Variants in CARNS1 observed in about 807,000 individuals in gnomAD.
CARNS1 encodes the protein carnosine synthase 1.
A neutral mutation model predicts 74.0 loss-of-function variants in CARNS1; 61 were observed. The observed-to-expected ratio is 0.82, with a 90% confidence interval of 0.67 to 1.02. The LOEUF (loss-of-function observed/expected upper bound fraction) is 1.02. Ranked by LOEUF, CARNS1 falls within the 50% of genes least tolerant of loss-of-function variation. The pLI, the probability that CARNS1 is intolerant of heterozygous loss-of-function variation, is 0.00. For missense variants in CARNS1, 1,278 were observed against 1,308.4 expected (o/e 0.98, Z 0.36); for synonymous variants, 568 against 605.5 (o/e 0.94, Z 0.91).
rs1050926640 is a variant in CARNS1 at position 67,420,630 on chromosome 11, G to A, written c.1135G>A (p.Gly379Arg). Reference sequence around the variant, plus strand: ...CCAGGTGGTGTGCGGCGTGGGCCGCGGGGACCGCCCTCTACGGCACCACAA... The same window carrying A: ...CCAGGTGGTGTGCGGCGTGGGCCGCAGGGACCGCCCTCTACGGCACCACAA... ...LSKVVCGVGR[G>R]DRPLRHHNSL... Residue 379 changes from glycine (G) to arginine (R), a missense_variant, in exon 8 of 10, where the codon GGG (glycine) becomes AGG (arginine). Physicochemically the swap from Gly to Arg is moderately radical, Grantham distance 125. Coordinates refer to ENST00000687366, the MANE Select transcript of CARNS1 (RefSeq NM_001166222.2). The A allele has an allele frequency of 2.0e-5, 25 of 1,240,408 alleles. No individual in the cohort carries two copies. Among genetic ancestry groups the A allele is most frequent in the Non-Finnish European group, 2.3e-5 (23 of 992,604 alleles). 76.8% of individuals were successfully genotyped at this position (1,240,408 alleles called of 1,614,324 possible).
chr11:67,424,868 C>A lies in CARNS1; in HGVS notation c.*267C>A, dbSNP rs1863795609. 1 of 614,614 alleles carries A rather than the reference C, an allele frequency of 1.6e-6. No homozygotes were observed. Among genetic ancestry groups the A allele is most frequent in the African/African-American group, 1.8e-5 (1 of 54,702 alleles). 38.1% of individuals were successfully genotyped at this position (614,614 alleles called of 1,614,324 possible). ...TTGGAGAAATGACAATGGCCACACA[C>A]ACACACACACACACACACACACACC... On this transcript the variant is annotated 3_prime_UTR_variant, in exon 10 of 10. Transcript: ENST00000687366.
Position 67,418,897 on chromosome 11 carries a change from C to G in CARNS1, c.506C>G (p.Pro169Arg), listed in dbSNP as rs753638848. 6 of 1,595,654 alleles carry G rather than the reference C, an allele frequency of 3.8e-6. No homozygotes were observed. The highest frequency in any genetic ancestry group is 2.3e-5 in the East Asian group (1 of 43,990). The part of the protein sequence containing the change: ...GLTFLDDFVP[P>R]RRATYFLAGL... ...ACATTCCTGGATGACTTTGTCCCCC[C>G]GCGCCGTGCCACCTACTTTTTGGCA... The change falls in exon 5 of 10, where the codon CCG (proline) becomes CGG (arginine). Residue 169 changes from proline (P) to arginine (R), a missense_variant. This residue lies in a region of CARNS1 where 1,164 missense variants were observed against 1,156.5 expected (regional missense o/e 1.01). Transcript: ENST00000687366.
chr11:67,420,692 G>C lies in CARNS1; in HGVS notation c.1197G>C (p.Gln399His). The C allele has an allele frequency of 2.4e-6, 3 of 1,266,860 alleles. No individual in the cohort carries two copies. The highest frequency in any genetic ancestry group is 3.0e-6 in the Non-Finnish European group (3 of 1,008,682). The allele number at this position is 1,266,860 out of a possible 1,614,324, so 78.5% of individuals were successfully genotyped here. A position where few individuals can be genotyped will look rare whatever the true frequency, so the allele number is the denominator to read the frequency against. Reference protein sequence around the residue: ...LPRTLEVALAQCGLGEEAQVA... With the variant: ...LPRTLEVALAHCGLGEEAQVA... The stretch of plus-strand genomic sequence containing the variant: ...GGACGCTGGAGGTGGCGCTGGCCCA[G>C]TGCGGCCTGGGCGAGGAGGCGCAGG... Residue 399 changes from glutamine to histidine, a missense_variant, in exon 8 of 10, where the codon CAG becomes CAC. Transcript: ENST00000687366.
At chr11:67,416,862 C>T in intron 2 of CARNS1, 1 of 986,388 alleles carries the variant, frequency 1.0e-6, no homozygotes, top group Non-Finnish European at 1.2e-6. Flanking sequence ...TAATGTTTAG[C>T]CCAGGGCTGG....
In CARNS1 at chr11:67,421,106, A is replaced by G; in HGVS notation, c.1513A>G (p.Met505Val). Residue 505 changes from methionine to valine, a missense_variant, in exon 9 of 10, where the codon ATG becomes GTG. By Grantham distance (21) the Met-to-Val change is conservative. Around this residue, in one of 3 missense-constraint regions of CARNS1, gnomAD observed 1,164 missense variants for 1,156.5 expected, o/e 1.01. Coordinates refer to ENST00000687366, the MANE Select transcript of CARNS1 (RefSeq NM_001166222.2). ...GGTGGCGGCGCCGCTGGTGGAGACC[A>G]TGCTTCGGCGGTCGGCGCGCTGCCT... ...EAVAAPLVET[M>V]LRRSARCLME... 11 of 1,449,886 alleles carry G rather than the reference A, an allele frequency of 7.6e-6. No individual in the cohort carries two copies. The highest frequency in any genetic ancestry group is 9.9e-6 in the Non-Finnish European group (11 of 1,108,180). The allele number at this position is 1,449,886 out of a possible 1,614,324, so 89.8% of individuals were successfully genotyped here.
intron 2 of CARNS1, chr11:67,416,750 G>T: frequency 1.0e-6 from 1 of 986,056 alleles, no homozygotes; most frequent in Non-Finnish European, 1.2e-6. Context: ...GCCCCATATT[G>T]GGGGGGCGCC....
In CARNS1 at chr11:67,421,128, G is replaced by C. The variant is rs1863686663; in HGVS notation, c.1535G>C (p.Cys512Ser). ...VETMLRRSARCLMEGKQLLVV... is the reference protein window; with the variant it reads ...VETMLRRSARSLMEGKQLLVV... ...ACCATGCTTCGGCGGTCGGCGCGCT[G>C]CCTCATGGAGGGAAAACAGCTGCTG... Residue 512 changes from cysteine (C) to serine (S), a missense_variant, in exon 9 of 10, where the codon TGC (cysteine) becomes TCC (serine). By Grantham distance (112) the Cys-to-Ser change is moderately radical. This residue lies in a region of CARNS1 where 1,164 missense variants were observed against 1,156.5 expected (regional missense o/e 1.01). Transcript: ENST00000687366. The C allele has an allele frequency of 1.4e-6, 2 of 1,475,026 alleles. No individual in the cohort carries two copies. Among genetic ancestry groups the C allele is most frequent in the Middle Eastern group, 3.8e-4 (2 of 5,324 alleles). The allele number at this position is 1,475,026 out of a possible 1,614,324, so 91.4% of individuals were successfully genotyped here.
Position 67,423,382 on chromosome 11 carries a change from T to A in CARNS1, c.1634T>A (p.Leu545His). ...ACCCTGTGGCTTCTGCAGCTGCACC[T>A]CGTGGAGTCAGACCCCAACCACTTT... The part of the protein sequence containing the change: ...AARDYGLQLH[L>H]VESDPNHFAS... The change falls in exon 10 of 10, where the codon CTC becomes CAC. Residue 545 changes from leucine to histidine, a missense_variant. Coordinates refer to ENST00000687366, the MANE Select transcript of CARNS1 (RefSeq NM_001166222.2). The surrounding 1 kb of genome is among the most constrained non-coding windows in gnomAD (Gnocchi z 5.1). 1 of 1,601,008 alleles carries A rather than the reference T, an allele frequency of 6.2e-7. No homozygotes were observed. The highest frequency in any genetic ancestry group is 8.5e-7 in the Non-Finnish European group (1 of 1,171,004).
intron 2 of CARNS1, chr11:67,417,036 T>G: frequency 8.8e-6 from 9 of 1,026,568 alleles, no homozygotes; most frequent in Non-Finnish European, 1.0e-5. Flanking sequence ...TACTGAGAAG[T>G]GGCTGTGTGC....
Position 67,418,819 on chromosome 11 carries a change from G to A in CARNS1, c.428G>A (p.Gly143Asp). The change falls in exon 5 of 10, where the codon GGT becomes GAT. Residue 143 changes from glycine (G) to aspartate (D), a missense_variant. Coordinates refer to ENST00000687366, the MANE Select transcript of CARNS1 (RefSeq NM_001166222.2). ...LMKVPAPGQP[G>D]EAALLVSKAV... is the part of the protein sequence containing the mutation. Reference sequence around the variant, plus strand: ...AAGGTGCCAGCACCCGGGCAGCCGGGTGAGGCAGCCCTGCTAGTCTCCAAG... The same window carrying A: ...AAGGTGCCAGCACCCGGGCAGCCGGATGAGGCAGCCCTGCTAGTCTCCAAG... 1.9e-6 allele frequency: 3 copies of A among 1,601,000 alleles called. No homozygotes were observed. The highest frequency in any genetic ancestry group is 4.5e-5 in the East Asian group (2 of 44,212).
In CARNS1 at chr11:67,420,829, C is replaced by T. The variant is rs1055394576; in HGVS notation, c.1334C>T (p.Thr445Met). ...CAGCGCGGCGGGCGCCGGGCGCACACGGACTTCCTGGGTGAGTGAGGGCGG... is the reference window on the plus strand; with the variant it reads ...CAGCGCGGCGGGCGCCGGGCGCACATGGACTTCCTGGGTGAGTGAGGGCGG... ...AEQRGGRRAH[T>M]DFLGVDFALT... The change falls in exon 8 of 10, where the codon ACG becomes ATG. Residue 445 changes from threonine (T) to methionine (M), a missense_variant. Around this residue, in one of 3 missense-constraint regions of CARNS1, gnomAD observed 1,164 missense variants for 1,156.5 expected, o/e 1.01. Coordinates refer to ENST00000687366, the MANE Select transcript of CARNS1 (RefSeq NM_001166222.2). 6 of 1,225,594 alleles carry T rather than the reference C, an allele frequency of 4.9e-6. No homozygotes were observed. Among genetic ancestry groups the T allele is most frequent in the Admixed American group, 4.4e-5 (1 of 22,768 alleles). 75.9% of individuals were successfully genotyped at this position (1,225,594 alleles called of 1,614,324 possible).
chr11:67,421,547 T>C (rs902645946), intron 9 of CARNS1, among the ~76,000 whole-genome samples: 4 of 152,094 alleles, frequency 2.6e-5, no homozygotes, highest in African/African-American at 9.7e-5. Context: ...GGGCCTTGAA[T>C]GCCAGGCTAA....
chr11:67,417,345 T>C (rs1863567560), intron 2 of CARNS1, 62 bp from the exon 3 acceptor site: 20 of 1,287,212 alleles, frequency 1.6e-5, no homozygotes, highest in Non-Finnish European at 1.9e-5. Context: ...CTTACACCCT[T>C]GGGTGACTTA....
chr11:67,422,303 C>T (rs1362994260), intron 9 of CARNS1, among the ~76,000 whole-genome samples: 1 of 150,774 alleles, frequency 6.6e-6, no homozygotes. Flanking sequence ...CGTGCCTCAG[C>T]CTCCGGAGTA....
intron 9 of CARNS1, among the ~76,000 whole-genome samples, chr11:67,422,707 C>T (rs1003374367): frequency 5.3e-5 from 8 of 152,202 alleles, no homozygotes; most frequent in African/African-American, 1.7e-4. Flanking sequence ...ACACTGGCCT[C>T]CTCTCCCCTC....
At chr11:67,421,313 T>C in intron 9 of CARNS1, 94 bp downstream of exon 9, 1 of 1,288,120 alleles carries the variant, frequency 7.8e-7, no homozygotes, top group East Asian at 3.1e-5. Flanking sequence ...AGGGGCGTCC[T>C]TGGGGCGGGA....
chr11:67,415,896 A>G, intron 1 of CARNS1, 133 bp downstream of exon 1: 2 of 189,490 alleles, frequency 1.1e-5, no homozygotes, highest in Non-Finnish European at 2.2e-5. Context: ...CACCCCCGGG[A>G]CCCGGTGCCC....
chr11:67,419,549 G>A lies in CARNS1; in HGVS notation c.915G>A (p.Arg305=), dbSNP rs1397101786. ...RGRQAWRLHP[R]AELGAVVDTV... ...GGCAGGCATGGCGTCTGCACCCGCG[G>A]GCAGAGCTGGGTGCAGTGGTGGACA... Residue 305 remains arginine, a synonymous_variant, in exon 6 of 10, where the codon CGG becomes CGA. Transcript: ENST00000687366. 1 of 1,607,600 alleles carries A rather than the reference G, an allele frequency of 6.2e-7. No individual in the cohort carries two copies. Among genetic ancestry groups the A allele is most frequent in the Admixed American group, 1.7e-5 (1 of 59,482 alleles).
chr11:67,420,162 G>C (rs1302286697), intron 7 of CARNS1, among the ~76,000 whole-genome samples: 4 of 152,190 alleles, frequency 2.6e-5, no homozygotes, highest in Admixed American at 6.5e-5. Context: ...TAAACCTCTA[G>C]TGCCTGGACG....
Sources: allele counts gnomAD v4.1 joint callset (sites outside exome capture counted in the v4.1 genomes callset), GRCh38; gene constraint gnomAD v4.1.1; regional missense constraint gnomAD v4.1.1; non-coding constraint Gnocchi (gnomAD v3.1); transcripts MANE v1.5; gene names NCBI Gene and HGNC (gene_info 2026-07-23, HGNC 2026-07-21).